Variants in SELP observed in about 807,000 individuals in gnomAD.
SELP encodes P-selectin.
Under a neutral mutation model 104.1 loss-of-function variants are expected in SELP, and 92 were observed. That is an observed-to-expected ratio of 0.88 (90% confidence interval 0.75 to 1.05). The LOEUF is 1.05. Ranked by LOEUF, SELP falls within the 50% of genes least tolerant of loss-of-function variation. SELP has a pLI of 0.00. For missense variants in SELP, 1,022 were observed against 1,017.3 expected (o/e 1.00, Z -0.06); for synonymous variants, 397 against 364.5 (o/e 1.09, Z -1.01).
chr1:169,599,796 A>G lies in SELP; in HGVS notation c.1706-2620T>C, dbSNP rs535312830. ...CAGCTGGGCCAGAGTTTTAGGGGGC[A>G]CCAGTTCACCATATTTTAGGACGTG... On this transcript the variant is annotated intron_variant, in intron 10 of 16. Coordinates refer to ENST00000263686, the MANE Select transcript of SELP (RefSeq NM_003005.4). 3.3e-5 allele frequency among the ~76,000 whole-genome samples: 5 copies of G among 152,308 alleles called. No homozygotes were observed. The South Asian group carries it at 1.0e-3, about 32-fold the overall frequency.
At chr1:169,593,238 A>G (rs1418880438) in intron 14 of SELP, among the ~76,000 whole-genome samples, 4 of 152,344 alleles carry the variant, frequency 2.6e-5, no homozygotes, top group Admixed American at 2.6e-4. Context: ...TGAAGTCAGG[A>G]AGCATAACAC....
At chr1:169,619,846 G>C (rs959828752) in intron 1 of SELP, among the ~76,000 whole-genome samples, 7 of 152,004 alleles carry the variant, frequency 4.6e-5, no homozygotes. Flanking sequence ...TGGATCTATA[G>C]CAACTATTAT....
intron 14 of SELP, 112 bp downstream of exon 14, chr1:169,593,493 C>G: frequency 1.2e-6 from 1 of 800,324 alleles, no homozygotes; most frequent in Non-Finnish European, 2.0e-6. Flanking sequence ...CAAATGTTTT[C>G]CAACATGAAC....
At chr1:169,620,182 G>A (rs927936797) in intron 1 of SELP, among the ~76,000 whole-genome samples, 4 of 152,142 alleles carry the variant, frequency 2.6e-5, no homozygotes, top group South Asian at 2.1e-4. Context: ...CACTCTATCC[G>A]GGGCGACAGT....
At chr1:169,622,511 C>T (rs1362351865) in intron 1 of SELP, among the ~76,000 whole-genome samples, 1 of 152,136 alleles carries the variant, frequency 6.6e-6, no homozygotes, top group African/African-American at 2.4e-5. Context: ...AAGTAATATT[C>T]ATTCATGGAT....
chr1:169,622,759 C>A (rs1353750221), intron 1 of SELP, among the ~76,000 whole-genome samples: 1 of 151,922 alleles, frequency 6.6e-6, no homozygotes, highest in Non-Finnish European at 1.5e-5. Flanking sequence ...GTATAATAAT[C>A]AAGAAAATAC....
chr1:169,620,851 A>G (rs1257628349), intron 1 of SELP, among the ~76,000 whole-genome samples: 1 of 110,866 alleles, frequency 9.0e-6, no homozygotes, highest in African/African-American at 3.7e-5. Flanking sequence ...ACAGTGATGG[A>G]TGATGTAGGC....
chr1:169,597,135 G>A lies in SELP; in HGVS notation c.1747C>T (p.Leu583=), dbSNP rs143011778. 3.4e-4 allele frequency: 540 copies of A among 1,610,382 alleles called. 1 individual carries two copies. Among genetic ancestry groups the A allele is most frequent in the Middle Eastern group, 5.0e-4 (3 of 6,040 alleles). ...TCTCCACGAGTGTCAGAACAATCCA[G>A]GCTGCCCTGCTCTGGGGCAAAGAGT... ...PELFAPEQGS[L]DCSDTRGEFN... Residue 583 remains leucine (L), a synonymous_variant, in exon 11 of 17, where the codon CTG becomes TTG. Coordinates refer to ENST00000263686, the MANE Select transcript of SELP (RefSeq NM_003005.4).
In SELP at chr1:169,611,478, A is replaced by G. The variant is rs1662527368; in HGVS notation, c.1147+14T>C. ...TTCTTGGACAGAATGGAGGTTGCTA[A>G]TGAAAAATCCTACCCTCACAGGTTG... On this transcript the variant is annotated intron_variant, in intron 7 of 16. Transcript: ENST00000263686. 6.2e-6 allele frequency: 10 copies of G among 1,612,760 alleles called. No homozygotes were observed. Among genetic ancestry groups the G allele is most frequent in the Non-Finnish European group, 8.5e-6 (10 of 1,179,130 alleles).
intron 14 of SELP, among the ~76,000 whole-genome samples, chr1:169,592,881 C>T (rs891034032): frequency 1.3e-5 from 2 of 152,198 alleles, no homozygotes; most frequent in African/African-American, 2.4e-5. Flanking sequence ...AACTGCGAAA[C>T]ATACCATCTT....
intron 10 of SELP, among the ~76,000 whole-genome samples, chr1:169,598,044 T>G (rs904497716): frequency 1.3e-5 from 2 of 152,132 alleles, no homozygotes; most frequent in Non-Finnish European, 2.9e-5. Context: ...GATTCATCCT[T>G]GAGTCTTCCA....
At position 169,607,012 on chromosome 1, in the gene SELP, C is replaced by T. The variant is rs761473621; in HGVS notation, c.1456G>A (p.Gly486Arg). Residue 486 changes from glycine to arginine, a missense_variant, in exon 9 of 17, where the codon GGA becomes AGA. Gly to Arg is a moderately radical substitution (Grantham distance 125). Transcript: ENST00000263686. ...GCCAAGCACTGTAGCACACTTGCTC[C>T]CACCAGGAGCAAGCCTTCATTGCAG... is the stretch of plus-strand genomic sequence containing the variant. ...FTCNEGLLLV[G>R]ASVLQCLATG... 17 of 1,613,780 alleles carry T rather than the reference C, an allele frequency of 1.1e-5. No individual in the cohort carries two copies. Among genetic ancestry groups the T allele is most frequent in the Non-Finnish European group, 1.1e-5 (13 of 1,179,810 alleles).
intron 9 of SELP, among the ~76,000 whole-genome samples, chr1:169,604,563 G>A (rs1267954312): frequency 6.6e-6 from 1 of 152,206 alleles, no homozygotes; most frequent in Non-Finnish European, 1.5e-5. Context: ...TAAACAGCAT[G>A]AGGTTTCAAG....
At chr1:169,628,686 T>C (rs1441387783) in intron 1 of SELP, among the ~76,000 whole-genome samples, 1 of 152,132 alleles carries the variant, frequency 6.6e-6, no homozygotes, top group Non-Finnish European at 1.5e-5. Flanking sequence ...CATCAAAATC[T>C]CAAAGAACTC....
chr1:169,593,017 C>T (rs1407612906), intron 14 of SELP, among the ~76,000 whole-genome samples: 2 of 152,140 alleles, frequency 1.3e-5, no homozygotes, highest in Non-Finnish European at 2.9e-5. Flanking sequence ...GCTTTCTGAC[C>T]TGCCAGTCTG....
intron 1 of SELP, among the ~76,000 whole-genome samples, chr1:169,627,798 A>C (rs1188306200): frequency 1.3e-5 from 2 of 152,248 alleles, no homozygotes; most frequent in African/African-American, 2.4e-5. Context: ...TTTGAAAAAC[A>C]GGTAATGAAA....
At chr1:169,603,743 A>G (rs1458170074) in intron 9 of SELP, among the ~76,000 whole-genome samples, 1 of 152,204 alleles carries the variant, frequency 6.6e-6, no homozygotes, top group Non-Finnish European at 1.5e-5. Context: ...CTTGCTAGCA[A>G]TCTATCACTA....
At chr1:169,603,709 T>A (rs3917768) in intron 9 of SELP, among the ~76,000 whole-genome samples, 9 of 151,982 alleles carry the variant, frequency 5.9e-5, no homozygotes, top group Non-Finnish European at 1.0e-4. Context: ...TGGTGGAATC[T>A]GCGCCCAAAT....
At chr1:169,595,853 T>A (rs957062972) in intron 12 of SELP, 72 bp downstream of exon 12, 3 of 1,399,066 alleles carry the variant, frequency 2.1e-6, no homozygotes, top group African/African-American at 2.8e-5. Flanking sequence ...GACTTCAACA[T>A]ACAGGCACAA....
Sources: allele counts gnomAD v4.1 joint callset (sites outside exome capture counted in the v4.1 genomes callset), GRCh38; gene constraint gnomAD v4.1.1; transcripts MANE v1.5; gene names NCBI Gene and HGNC (gene_info 2026-07-23, HGNC 2026-07-21).